The following NUCB2 variants were observed in gnomAD, a reference collection of about 807,000 sequenced individuals.
NUCB2 encodes the protein nucleobindin-2.
NUCB2 carries 48 observed loss-of-function variants against 57.9 expected under a neutral mutation model. The observed-to-expected ratio is 0.83, with a 90% CI of 0.66 to 1.05. The LOEUF is 1.05. Among genes scored for constraint, NUCB2 ranks in the 50% least tolerant of loss-of-function variants. The pLI is 0.00. For missense variants in NUCB2, 442 were observed against 476.2 expected (o/e 0.93, Z 0.67); for synonymous variants, 139 against 152.1 (o/e 0.91, Z 0.64).
At chr11:17,333,948 A>G (rs536602123), downstream of NUCB2, 2 of 152,298 alleles carry the variant, frequency 1.3e-5, no homozygotes, top group East Asian at 3.9e-4. Context: ...TGCTGAAAAG[A>G]GGCAAGAAGC....
At chr11:17,322,288 T>C (rs1181809778) in intron 11 of NUCB2, among the ~76,000 whole-genome samples, 1 of 152,196 alleles carries the variant, frequency 6.6e-6, no homozygotes, top group South Asian at 2.1e-4. Flanking sequence ...GATGTAGGTA[T>C]CAAGCTTCAT....
intron 10 of NUCB2, among the ~76,000 whole-genome samples, chr11:17,313,669 G>A (rs944790685): frequency 4.0e-5 from 6 of 151,650 alleles, no homozygotes; most frequent in Admixed American, 1.3e-4. Context: ...TTTCCTTTTC[G>A]CCTTAATCTG....
At chr11:17,309,447 T>G in intron 5 of NUCB2, 125 bp from the exon 6 acceptor site, 1 of 582,026 alleles carries the variant, frequency 1.7e-6, no homozygotes, top group East Asian at 3.1e-5. Flanking sequence ...AAGCCTTTAT[T>G]CTAAAACTTT....
chr11:17,320,606 G>A (rs541583686), intron 11 of NUCB2, among the ~76,000 whole-genome samples: 2 of 152,166 alleles, frequency 1.3e-5, no homozygotes, highest in Admixed American at 6.5e-5. Flanking sequence ...GCAGTGAGTC[G>A]AGATTGCACC....
At chr11:17,289,981 T>C (rs144259143) in intron 2 of NUCB2, among the ~76,000 whole-genome samples, 152 of 152,354 alleles carry the variant, frequency 1.0e-3, no homozygotes, top group African/African-American at 3.5e-3. Flanking sequence ...CTTGAGTTTT[T>C]TTATTTATTG....
At chr11:17,315,083 G>A (rs1949046627) in intron 10 of NUCB2, among the ~76,000 whole-genome samples, 1 of 152,196 alleles carries the variant, frequency 6.6e-6, no homozygotes, top group Admixed American at 6.5e-5. Context: ...GAGGAAGACA[G>A]TAACAGTCAC....
intron 2 of NUCB2, among the ~76,000 whole-genome samples, chr11:17,340,474 T>C (rs1952167150): frequency 6.6e-6 from 1 of 152,236 alleles, no homozygotes; most frequent in African/African-American, 2.4e-5. Flanking sequence ...AGGGTTTTTA[T>C]GGTTTTAGGT....
rs78024667 is a variant in NUCB2 at position 17,305,513 on chromosome 11, G to A, written c.379+3643G>A. The stretch of plus-strand genomic sequence containing the variant: ...TTAGGCAAAAAGTGGAAAGACCAGT[G>A]AAACACAACAGACATTCCAGAAGTA... On this transcript the variant is annotated intron_variant, in intron 5 of 13. Coordinates refer to ENST00000529010, the MANE Select transcript of NUCB2 (RefSeq NM_005013.4). 8.5e-3 allele frequency among the ~76,000 whole-genome samples: 1,289 copies of A among 152,142 alleles called. 17 individuals are homozygous for A. The highest frequency in any genetic ancestry group is 0.028 in the African/African-American group (1,173 of 41,526).
At chr11:17,336,578 C>A (rs985301015), downstream of NUCB2, among the ~76,000 whole-genome samples, 7 of 151,102 alleles carry the variant, frequency 4.6e-5, no homozygotes, top group Non-Finnish European at 1.0e-4. Flanking sequence ...CACGGTGAAA[C>A]CCCGTCTCTA....
rs1178238027 is a variant in NUCB2, at chr11:17,311,694, CA to C, written c.761-177del. The C allele has an allele frequency of 2.0e-5, 10 of 495,234 alleles. No homozygotes were observed. The Admixed American group carries it at 3.4e-4, about 17-fold the overall frequency. The allele number at this position is 495,234 out of a possible 1,614,324, so 30.7% of individuals were successfully genotyped here. A position where few individuals can be genotyped will look rare whatever the true frequency, so the allele number is the denominator to read the frequency against. ...AATGATTATGAATTACAAATAAATA[CA>C]GCATATTTATCAGTTCAGCTGATCT... On this transcript the variant is annotated intron_variant, in intron 8 of 13. Transcript: ENST00000529010.
downstream of NUCB2, chr11:17,334,200 G>A (rs992727423): frequency 6.6e-6 from 1 of 152,204 alleles, no homozygotes; most frequent in Non-Finnish European, 1.5e-5. Context: ...TAAACAGAAG[G>A]GAATTGATGA....
chr11:17,286,046 T>C (rs1276451826), intron 2 of NUCB2, among the ~76,000 whole-genome samples: 4 of 152,094 alleles, frequency 2.6e-5, no homozygotes, highest in African/African-American at 9.7e-5. Flanking sequence ...GGAAATTTTA[T>C]TTTTTGAGAC....
intron 2 of NUCB2, among the ~76,000 whole-genome samples, chr11:17,340,946 A>ACG (rs985881430): frequency 1.3e-5 from 2 of 152,132 alleles, no homozygotes; most frequent in African/African-American, 4.8e-5. Context: ...GATTCTTCCT[A>ACG]CCCAGGAGCA....
chr11:17,315,018 C>T (rs1205030805), intron 10 of NUCB2, among the ~76,000 whole-genome samples: 9 of 152,064 alleles, frequency 5.9e-5, no homozygotes, highest in Non-Finnish European at 1.5e-5. Flanking sequence ...TGGAATGGTT[C>T]TTTTTCTTAC....
intron 2 of NUCB2, among the ~76,000 whole-genome samples, chr11:17,344,494 T>C (rs912300340): frequency 1.3e-5 from 2 of 152,190 alleles, no homozygotes; most frequent in African/African-American, 4.8e-5. Context: ...CCCACTATTG[T>C]ATTTCTAATG....
At chr11:17,347,964 T>A (rs1310812148) in intron 2 of NUCB2, among the ~76,000 whole-genome samples, 1 of 152,190 alleles carries the variant, frequency 6.6e-6, no homozygotes, top group Non-Finnish European at 1.5e-5. Flanking sequence ...CAAAAATAAT[T>A]TTATGTCTTT....
chr11:17,303,831 ACTGAGATCACGTCAC>A (rs1947167072), intron 5 of NUCB2, among the ~76,000 whole-genome samples: 1 of 150,972 alleles, frequency 6.6e-6, no homozygotes, highest in Admixed American at 6.6e-5. Context: ...GTTGCAGTGA[ACTGAGATCACGTCAC>A]CTCACTCCAG....
chr11:17,337,226 C>T (rs2139570061), intron 1 of NUCB2: 1 of 152,256 alleles, frequency 6.6e-6, no homozygotes, highest in South Asian at 2.1e-4. Flanking sequence ...GAAACATGAA[C>T]CATTGTTCCT....
At chr11:17,294,678 T>TAAAAAAA (rs34406631) in intron 2 of NUCB2, among the ~76,000 whole-genome samples, 1 of 102,662 alleles carries the variant, frequency 9.7e-6, no homozygotes, top group Non-Finnish European at 1.9e-5. Context: ...CGTGTTGCCT[T>TAAAAAAA]AAAAAAAAAA....
Sources: allele counts gnomAD v4.1 joint callset (sites outside exome capture counted in the v4.1 genomes callset), GRCh38; gene constraint gnomAD v4.1.1; transcripts MANE v1.5; gene names NCBI Gene and HGNC (gene_info 2026-07-23, HGNC 2026-07-21).